The following PRDM6 variants were observed in gnomAD, a reference collection of about 807,000 sequenced individuals.
PRDM6 encodes PR/SET domain 6.
Under a neutral mutation model 60.8 loss-of-function variants are expected in PRDM6, and 25 were observed. The observed-to-expected ratio is 0.41, with a 90% CI of 0.30 to 0.57. The LOEUF (loss-of-function observed/expected upper bound fraction) is 0.57, where lower values mean the gene tolerates loss of function less well. PRDM6 is among the 20% of genes least tolerant of loss of function. PRDM6 has a pLI of 0.27. For synonymous variants in PRDM6, 407 were observed against 357.4 expected, an observed-to-expected ratio of 1.14 and a Z score of -1.57; for missense variants, 839 against 821.3, an observed-to-expected ratio of 1.02 and a Z score of -0.26.
intron 3 of PRDM6, among the ~76,000 whole-genome samples, chr5:123,100,419 A>G (rs1428936612): frequency 1.3e-5 from 2 of 152,218 alleles, no homozygotes; most frequent in Non-Finnish European, 2.9e-5. Flanking sequence ...AAGGAACAGA[A>G]GCATAGAGGG....
intron 3 of PRDM6, among the ~76,000 whole-genome samples, chr5:123,130,108 C>CT (rs1764789838): frequency 1.9e-5 from 1 of 51,592 alleles, no homozygotes; most frequent in Non-Finnish European, 3.6e-5. Flanking sequence ...CCCCTCCCCT[C>CT]CCCTCCTCTC....
intron 5 of PRDM6, among the ~76,000 whole-genome samples, chr5:123,163,962 C>T (rs1048647315): frequency 1.1e-4 from 17 of 152,052 alleles, no homozygotes; most frequent in Admixed American, 9.2e-4. Flanking sequence ...CTTCACGGTG[C>T]CCCTCACCCC....
At chr5:123,132,519 G>T (rs1580505117) in intron 3 of PRDM6, among the ~76,000 whole-genome samples, 1 of 152,142 alleles carries the variant, frequency 6.6e-6, no homozygotes, top group East Asian at 1.9e-4. Context: ...ACAAGAGCAG[G>T]TATATCATCC....
At chr5:123,185,182 G>A (rs1766257180) in intron 7 of PRDM6, among the ~76,000 whole-genome samples, 1 of 152,054 alleles carries the variant, frequency 6.6e-6, no homozygotes, top group Non-Finnish European at 1.5e-5. Context: ...GCACTAAACT[G>A]CCAACTCGTG....
At chr5:123,139,685 T>C (rs894135355) in intron 3 of PRDM6, among the ~76,000 whole-genome samples, 1 of 152,160 alleles carries the variant, frequency 6.6e-6, no homozygotes, top group Non-Finnish European at 1.5e-5. Flanking sequence ...TTTATTTCTA[T>C]AGGGTCACTG....
At chr5:123,161,120 G>A (rs911032318) in intron 5 of PRDM6, among the ~76,000 whole-genome samples, 1 of 152,186 alleles carries the variant, frequency 6.6e-6, no homozygotes, top group Non-Finnish European at 1.5e-5. Context: ...GAAATCTCAC[G>A]AGATCCTCTG....
intron 3 of PRDM6, among the ~76,000 whole-genome samples, chr5:123,116,006 TG>T (rs527457514): frequency 3.3e-5 from 5 of 152,320 alleles, no homozygotes; most frequent in African/African-American, 1.2e-4. Context: ...TCATTTTTGT[TG>T]ATCACTTTTT....
chr5:123,100,096 G>T, intron 3 of PRDM6, 135 bp downstream of exon 3: 1 of 956,338 alleles, frequency 1.0e-6, no homozygotes. Context: ...GAGGGTAGCG[G>T]AGAATAGATT....
At chr5:123,169,527 A>G (rs145812316) in intron 5 of PRDM6, among the ~76,000 whole-genome samples, 155 of 152,294 alleles carry the variant, frequency 1.0e-3, no homozygotes, top group African/African-American at 3.4e-3. Flanking sequence ...TAAACCTTGT[A>G]AAAGGGGACT....
intron 6 of PRDM6, among the ~76,000 whole-genome samples, chr5:123,172,031 A>G (rs1765901052): frequency 6.6e-6 from 1 of 152,200 alleles, no homozygotes; most frequent in Non-Finnish European, 1.5e-5. Flanking sequence ...AGCAGAAGAT[A>G]ATTTTTGAAG....
intron 2 of PRDM6, among the ~76,000 whole-genome samples, chr5:123,091,427 C>T (rs2150204112): frequency 6.6e-6 from 1 of 152,342 alleles, no homozygotes; most frequent in African/African-American, 2.4e-5. Context: ...CTCCCCTCTT[C>T]CTCCAAGTTA....
intron 3 of PRDM6, among the ~76,000 whole-genome samples, chr5:123,108,969 G>A (rs1038515364): frequency 3.3e-5 from 5 of 152,138 alleles, no homozygotes; most frequent in African/African-American, 1.2e-4. Context: ...TTTTCATTTT[G>A]TCTAGTCTTA....
intron 3 of PRDM6, among the ~76,000 whole-genome samples, chr5:123,137,884 T>C (rs1357825384): frequency 6.6e-6 from 1 of 152,226 alleles, no homozygotes. Context: ...ATATTGCTTA[T>C]GATGAGGCTA....
At chr5:123,150,193 T>A (rs1334121807) in intron 3 of PRDM6, among the ~76,000 whole-genome samples, 1 of 152,028 alleles carries the variant, frequency 6.6e-6, no homozygotes, top group Non-Finnish European at 1.5e-5. Flanking sequence ...TTAGCACCAT[T>A]TTTTTTTCTC....
At chr5:123,151,315 T>G (rs900429938) in intron 3 of PRDM6, among the ~76,000 whole-genome samples, 1 of 152,118 alleles carries the variant, frequency 6.6e-6, no homozygotes, top group Admixed American at 6.5e-5. Flanking sequence ...CGGATCCCAC[T>G]TCCCCCTCCC....
At chr5:123,150,328 A>G (rs1341084703) in intron 3 of PRDM6, among the ~76,000 whole-genome samples, 2 of 152,104 alleles carry the variant, frequency 1.3e-5, no homozygotes, top group African/African-American at 4.8e-5. Context: ...TGTACTCTAC[A>G]CCCTATGGTC....
chr5:123,115,385 C>T (rs1488684125), intron 3 of PRDM6, among the ~76,000 whole-genome samples: 1 of 152,126 alleles, frequency 6.6e-6, no homozygotes, highest in Non-Finnish European at 1.5e-5. Context: ...AAATGTTGTA[C>T]TGAAAATCTC....
intron 3 of PRDM6, among the ~76,000 whole-genome samples, chr5:123,110,385 A>G (rs986873532): frequency 6.7e-6 from 1 of 148,934 alleles, no homozygotes; most frequent in Admixed American, 6.7e-5. Flanking sequence ...CAGCCTCCCG[A>G]GTAGCTGGGA....
intron 3 of PRDM6, among the ~76,000 whole-genome samples, chr5:123,110,378 C>T (rs1764283980): frequency 6.6e-6 from 1 of 150,920 alleles, no homozygotes; most frequent in Non-Finnish European, 1.5e-5. Context: ...CCTTCCTCAG[C>T]CTCCCGAGTA....
Sources: allele counts gnomAD v4.1 joint callset (sites outside exome capture counted in the v4.1 genomes callset), GRCh38; gene constraint gnomAD v4.1.1; transcripts MANE v1.5; gene names NCBI Gene and HGNC (gene_info 2026-07-23, HGNC 2026-07-21).